The following SCARA5 variants were observed in gnomAD, a reference collection of about 807,000 sequenced individuals.
SCARA5 encodes scavenger receptor class A, member 5 (putative).
SCARA5 carries 45 observed loss-of-function variants against 46.3 expected under a neutral mutation model. The observed-to-expected ratio is 0.97, with a 90% CI of 0.76 to 1.24. The LOEUF (loss-of-function observed/expected upper bound fraction) is 1.24, where lower values mean the gene tolerates loss of function less well. Among genes scored for constraint, SCARA5 ranks in the 50% most tolerant of loss-of-function variants. The probability of loss-of-function intolerance (pLI) is 0.00; values close to 1 mark genes in which losing one functional copy is unlikely to be tolerated. For synonymous variants in SCARA5, 333 were observed against 306.5 expected, an observed-to-expected ratio of 1.09 and a Z score of -0.90; for missense variants, 680 against 689.0, an observed-to-expected ratio of 0.99 and a Z score of 0.15.
chr8:27,919,713 A>G (rs1807550947), intron 4 of SCARA5, among the ~76,000 whole-genome samples: 1 of 151,918 alleles, frequency 6.6e-6, no homozygotes, highest in Non-Finnish European at 1.5e-5. Flanking sequence ...GGGATCAGAA[A>G]GGCCAGCATG....
intron 3 of SCARA5, among the ~76,000 whole-genome samples, chr8:27,953,991 C>T (rs775040656): frequency 1.2e-4 from 18 of 152,174 alleles, no homozygotes; most frequent in Non-Finnish European, 2.4e-4. Context: ...GCCTCTGATG[C>T]AGGTCCCACT....
At chr8:27,929,556 T>C (rs994166996) in intron 3 of SCARA5, among the ~76,000 whole-genome samples, 1 of 151,874 alleles carries the variant, frequency 6.6e-6, no homozygotes, top group Admixed American at 6.6e-5. Flanking sequence ...ACCTGGGAGG[T>C]AGGGGAGCAA....
At chr8:27,941,766 C>T (rs926084896) in intron 3 of SCARA5, among the ~76,000 whole-genome samples, 2 of 150,732 alleles carry the variant, frequency 1.3e-5, no homozygotes, top group Non-Finnish European at 3.0e-5. Flanking sequence ...TCATTTTGTA[C>T]TCTTGACCAA....
intron 3 of SCARA5, among the ~76,000 whole-genome samples, chr8:27,935,766 G>T (rs780894659): frequency 6.6e-6 from 1 of 152,122 alleles, no homozygotes; most frequent in Admixed American, 6.5e-5. Flanking sequence ...CAGCAGATAG[G>T]GGGAGAGCAG....
chr8:27,891,500 A>C (rs1475071338), intron 7 of SCARA5, among the ~76,000 whole-genome samples: 1 of 152,134 alleles, frequency 6.6e-6, no homozygotes, highest in African/African-American at 2.4e-5. Context: ...CACTGCGCCC[A>C]GCCTACTAAT....
At chr8:27,940,672 G>A (rs974648868) in intron 3 of SCARA5, among the ~76,000 whole-genome samples, 1 of 92,166 alleles carries the variant, frequency 1.1e-5, no homozygotes, top group Non-Finnish European at 1.9e-5. Context: ...CCATCCATTT[G>A]TCCACCCATC....
intron 3 of SCARA5, among the ~76,000 whole-genome samples, chr8:27,950,947 T>C (rs767064659): frequency 2.0e-5 from 3 of 151,766 alleles, no homozygotes; most frequent in African/African-American, 4.8e-5. Context: ...ACTGCTGTTA[T>C]AGTACCATAC....
chr8:27,923,258 G>A (rs2129819852), intron 3 of SCARA5, among the ~76,000 whole-genome samples: 1 of 152,302 alleles, frequency 6.6e-6, no homozygotes, highest in East Asian at 1.9e-4. Context: ...TCTATTTTCT[G>A]GCCTCCTGAG....
At chr8:27,979,711 G>A (rs372110359) in intron 2 of SCARA5, among the ~76,000 whole-genome samples, 2 of 151,976 alleles carry the variant, frequency 1.3e-5, no homozygotes, top group African/African-American at 4.8e-5. Flanking sequence ...ACACCGCCAC[G>A]CCACGCCTGG....
intron 6 of SCARA5, among the ~76,000 whole-genome samples, chr8:27,905,659 C>A (rs566600429): frequency 6.8e-6 from 1 of 147,858 alleles, no homozygotes; most frequent in East Asian, 2.0e-4. Context: ...GGGGTGGAGA[C>A]TTTTTGCTTT....
At chr8:27,918,619 G>A (rs1807510040) in intron 4 of SCARA5, among the ~76,000 whole-genome samples, 1 of 145,586 alleles carries the variant, frequency 6.9e-6, no homozygotes, top group South Asian at 2.3e-4. Context: ...AGGAAGAGGA[G>A]GGGGAGCAGG....
chr8:27,989,047 G>A (rs1423907471), intron 1 of SCARA5, among the ~76,000 whole-genome samples: 1 of 151,894 alleles, frequency 6.6e-6, no homozygotes, highest in Non-Finnish European at 1.5e-5. Flanking sequence ...CAGGGAAGGC[G>A]GCTGGCGGGG....
At chr8:27,900,290 G>C (rs951185929) in intron 7 of SCARA5, among the ~76,000 whole-genome samples, 1 of 152,212 alleles carries the variant, frequency 6.6e-6, no homozygotes, top group African/African-American at 2.4e-5. Context: ...ACAGGGATGG[G>C]AGAAGGGAGT....
At chr8:27,876,340 C>G (rs1392013000) in intron 8 of SCARA5, among the ~76,000 whole-genome samples, 1 of 152,180 alleles carries the variant, frequency 6.6e-6, no homozygotes. Context: ...CTAACCACTG[C>G]TCTACCTGCT....
chr8:27,957,766 G>T (rs530953020), intron 3 of SCARA5, among the ~76,000 whole-genome samples: 8 of 152,334 alleles, frequency 5.3e-5, no homozygotes, highest in Non-Finnish European at 1.2e-4. Context: ...TAGGATTGTT[G>T]TAAGAATTAG....
chr8:27,907,827 C>T (rs959403833), intron 5 of SCARA5, among the ~76,000 whole-genome samples: 2 of 152,162 alleles, frequency 1.3e-5, no homozygotes, highest in African/African-American at 4.8e-5. Flanking sequence ...GCCTCGGCTT[C>T]CCAAAATGTT....
rs958848629 is a variant in SCARA5, at chr8:27,871,486, T to C, written c.*448A>G. ...CGTTGCCTCTTGCTGGGGAGGAAGA[T>C]GTAGAAACTCTTGGACTAATGGAGG... On this transcript the variant is annotated 3_prime_UTR_variant, in exon 9 of 9. Coordinates refer to ENST00000354914, the MANE Select transcript of SCARA5 (RefSeq NM_173833.6). 9.1e-6 allele frequency: 9 copies of C among 991,044 alleles called. No homozygotes were observed. The highest frequency in any genetic ancestry group is 3.5e-5 in the African/African-American group (2 of 57,464). 61.4% of individuals were successfully genotyped at this position (991,044 alleles called of 1,614,324 possible).
At chr8:27,914,911 C>A (rs1198510574) in intron 4 of SCARA5, among the ~76,000 whole-genome samples, 1 of 152,148 alleles carries the variant, frequency 6.6e-6, no homozygotes, top group East Asian at 1.9e-4. Context: ...GAGGGGAAAC[C>A]CATGCCTTCT....
chr8:27,972,993 A>T (rs185264591), intron 2 of SCARA5, among the ~76,000 whole-genome samples: 2 of 152,080 alleles, frequency 1.3e-5, no homozygotes, highest in Admixed American at 1.3e-4. Context: ...CTCTCTGGCG[A>T]CCCCACTAGT....
Sources: gnomAD v4.1 joint callset for allele counts (sites outside exome capture counted in the v4.1 genomes callset) on GRCh38, gnomAD v4.1.1 for gene constraint, MANE v1.5 for transcripts, NCBI Gene and HGNC (gene_info 2026-07-23, HGNC 2026-07-21) for gene names.